ADGRL3: variants seen among roughly 807,000 people sequenced by gnomAD.
ADGRL3 encodes the protein calcium-independent alpha-latrotoxin receptor 3.
Under a neutral mutation model 153.5 loss-of-function variants are expected in ADGRL3, and 62 were observed. That is an observed-to-expected ratio of 0.40 (90% CI 0.33 to 0.50). The LOEUF (loss-of-function observed/expected upper bound fraction) is 0.50. ADGRL3 is among the 20% of genes least tolerant of loss of function. The pLI, the probability that ADGRL3 is intolerant of heterozygous loss-of-function variation, is 0.47. For synonymous variants in ADGRL3, 710 were observed against 672.5 expected, an observed-to-expected ratio of 1.06 and a Z score of -0.86; for missense variants, 1,641 against 1,859.4, an observed-to-expected ratio of 0.88 and a Z score of 2.16.
At chr4:61,598,158 T>A (rs1458358794) in intron 5 of ADGRL3, among the ~76,000 whole-genome samples, 2 of 148,692 alleles carry the variant, frequency 1.3e-5, no homozygotes, top group Admixed American at 6.7e-5. Context: ...GCTGTGACAT[T>A]AAAAAAAAAA....
intron 9 of ADGRL3, among the ~76,000 whole-genome samples, chr4:61,852,453 T>C (rs2098217068): frequency 1.3e-5 from 2 of 152,060 alleles, no homozygotes; most frequent in African/African-American, 4.8e-5. Flanking sequence ...TAACTGGGAT[T>C]ACAGGCATGT....
At chr4:61,290,351 A>G (rs2094125928) in intron 1 of ADGRL3, among the ~76,000 whole-genome samples, 1 of 152,100 alleles carries the variant, frequency 6.6e-6, no homozygotes, top group Non-Finnish European at 1.5e-5. Flanking sequence ...TACTTATGAA[A>G]TTTAGCATTC....
At chr4:61,606,982 A>C in intron 5 of ADGRL3, among the ~76,000 whole-genome samples, 1 of 152,270 alleles carries the variant, frequency 6.6e-6, no homozygotes, top group Admixed American at 6.5e-5. Flanking sequence ...CACAGACAAA[A>C]GCAATTCACT....
intron 9 of ADGRL3, among the ~76,000 whole-genome samples, chr4:61,845,009 G>A (rs1010009079): frequency 6.6e-6 from 1 of 152,268 alleles, no homozygotes; most frequent in East Asian, 1.9e-4. Context: ...GAGAAAGTGG[G>A]AAAGATGGAA....
chr4:61,850,748 A>T (rs1415354054), intron 9 of ADGRL3, among the ~76,000 whole-genome samples: 1 of 152,214 alleles, frequency 6.6e-6, no homozygotes, highest in Non-Finnish European at 1.5e-5. Context: ...ATGTTACAGA[A>T]GGATTGTAGT....
intron 1 of ADGRL3, among the ~76,000 whole-genome samples, chr4:61,296,522 T>C (rs1282082177): frequency 3.3e-5 from 5 of 152,186 alleles, no homozygotes; most frequent in African/African-American, 9.7e-5. Flanking sequence ...TATATTTTGA[T>C]AGATAAATTG....
chr4:61,480,110 T>C (rs946850796), intron 2 of ADGRL3, among the ~76,000 whole-genome samples: 1 of 152,168 alleles, frequency 6.6e-6, no homozygotes, highest in African/African-American at 2.4e-5. Context: ...ATACTGTACA[T>C]TAGATCTCCA....
intron 1 of ADGRL3, among the ~76,000 whole-genome samples, chr4:61,355,958 G>A (rs935434945): frequency 2.0e-4 from 30 of 151,948 alleles, no homozygotes; most frequent in Admixed American, 2.6e-4. Context: ...TTAAGTTTTA[G>A]TAAAAATTTA....
At chr4:61,997,605 T>C (rs1274409898) in intron 20 of ADGRL3, among the ~76,000 whole-genome samples, 1 of 152,200 alleles carries the variant, frequency 6.6e-6, no homozygotes, top group Non-Finnish European at 1.5e-5. Context: ...TTCTGTTTTG[T>C]TTTGTTTCAA....
At chr4:61,579,363 A>G (rs2098913224) in intron 4 of ADGRL3, among the ~76,000 whole-genome samples, 1 of 152,060 alleles carries the variant, frequency 6.6e-6, no homozygotes, top group Admixed American at 6.6e-5. Context: ...GGATTTTTTG[A>G]CATTTAGAAG....
intron 1 of ADGRL3, among the ~76,000 whole-genome samples, chr4:61,215,196 T>C (rs899015078): frequency 6.6e-6 from 1 of 152,184 alleles, no homozygotes; most frequent in African/African-American, 2.4e-5. Context: ...CATATTCTAC[T>C]TTCAGTATCA....
Position 61,432,598 on chromosome 4 carries a change from CTTT to C in ADGRL3, c.-174+49410_-174+49412del, listed in dbSNP as rs2097373890. Among the ~76,000 whole-genome samples, 26 of 40,948 alleles carry C rather than the reference CTTT, an allele frequency of 6.3e-4. 5 individuals carry two copies. The highest frequency in any genetic ancestry group is 2.2e-3 in the African/African-American group (24 of 11,010). The allele number at this position is 40,948 out of a possible 152,430, so 26.9% of individuals were successfully genotyped here. On this transcript the variant is annotated intron_variant, in intron 2 of 26. Transcript: ENST00000683033. ...CCTTTCTTTCTTTCTTTCTTTCTTT[CTTT>C]CTTTCTTTCTTTCTTTCTTTCTTTC...
At chr4:61,402,318 CA>C (rs893516273) in intron 2 of ADGRL3, among the ~76,000 whole-genome samples, 1 of 151,950 alleles carries the variant, frequency 6.6e-6, no homozygotes, top group African/African-American at 2.4e-5. Flanking sequence ...CTTAAATATT[CA>C]AAAAATTTTT....
intron 9 of ADGRL3, among the ~76,000 whole-genome samples, chr4:61,838,588 A>T (rs1475053508): frequency 6.6e-6 from 1 of 152,198 alleles, no homozygotes; most frequent in Non-Finnish European, 1.5e-5. Context: ...AAAGATGTAC[A>T]TGTCTAATAC....
intron 9 of ADGRL3, among the ~76,000 whole-genome samples, chr4:61,853,193 C>T (rs999154650): frequency 6.6e-6 from 1 of 152,108 alleles, no homozygotes; most frequent in Admixed American, 6.6e-5. Context: ...AGCCCCCATC[C>T]TGATGCCATT....
chr4:61,317,316 T>G (rs889499838), intron 1 of ADGRL3, among the ~76,000 whole-genome samples: 10 of 152,216 alleles, frequency 6.6e-5, no homozygotes, highest in Middle Eastern at 3.4e-3. Context: ...TATTTTAACT[T>G]TTTAAAAATC....
At chr4:61,439,489 G>A (rs576399628) in intron 2 of ADGRL3, among the ~76,000 whole-genome samples, 12 of 152,212 alleles carry the variant, frequency 7.9e-5, no homozygotes, top group Middle Eastern at 6.8e-3. Flanking sequence ...ATAATAATGG[G>A]TGCATGTGCA....
rs550794813 is a variant in ADGRL3 at position 61,642,262 on chromosome 4, C to A, written c.474-34564C>A. Among the ~76,000 whole-genome samples, 303 of 152,148 alleles carry A rather than the reference C, an allele frequency of 2.0e-3. 1 individual carries two copies. Among genetic ancestry groups the A allele is most frequent in the African/African-American group, 7.1e-3 (294 of 41,510 alleles). Reference sequence around the variant, plus strand: ...TGCCTGTTCACTCTGATGGCAGTTTCTTTTGCTGTGCAGAAGCTCTTTACT... The same window carrying A: ...TGCCTGTTCACTCTGATGGCAGTTTATTTTGCTGTGCAGAAGCTCTTTACT... On this transcript the variant is annotated intron_variant, in intron 5 of 26. Transcript: ENST00000683033.
intron 1 of ADGRL3, among the ~76,000 whole-genome samples, chr4:61,217,829 CT>C (rs1743569045): frequency 6.6e-6 from 1 of 152,270 alleles, no homozygotes; most frequent in African/African-American, 2.4e-5. Context: ...TACCTGGTAT[CT>C]TTTGTCCCTG....
Sources: allele counts gnomAD v4.1 joint callset (sites outside exome capture counted in the v4.1 genomes callset), GRCh38; gene constraint gnomAD v4.1.1; transcripts MANE v1.5; gene names NCBI Gene and HGNC (gene_info 2026-07-23, HGNC 2026-07-21).